Variants in DPP10 observed in about 807,000 individuals in gnomAD.
The protein encoded by DPP10 is dipeptidyl peptidase like 10, also known as inactive dipeptidyl peptidase 10.
DPP10 carries 33 observed loss-of-function variants against 120.9 expected under a neutral mutation model. That is an observed-to-expected ratio of 0.27 (90% CI 0.21 to 0.37). The LOEUF (loss-of-function observed/expected upper bound fraction) is 0.37, where lower values mean the gene tolerates loss of function less well. Ranked by LOEUF, DPP10 falls within the 10% of genes least tolerant of loss-of-function variation. The pLI is 1.00. For synonymous variants in DPP10, 337 were observed against 326.1 expected, an observed-to-expected ratio of 1.03 and a Z score of -0.36; for missense variants, 816 against 942.8, an observed-to-expected ratio of 0.87 and a Z score of 1.76.
intron 1 of DPP10, among the ~76,000 whole-genome samples, chr2:114,765,182 A>T (rs72830394): frequency 0.016 from 2,481 of 152,248 alleles, 28 homozygotes; most frequent in Middle Eastern, 0.034. Context: ...ATCAATTTTT[A>T]AAAATTGTAC....
intron 1 of DPP10, among the ~76,000 whole-genome samples, chr2:114,716,390 G>A (rs1303555394): frequency 1.3e-5 from 2 of 152,096 alleles, no homozygotes; most frequent in African/African-American, 4.8e-5. Context: ...CACATATTGG[G>A]TTGTCTCTTT....
intron 5 of DPP10, among the ~76,000 whole-genome samples, chr2:115,589,033 A>G (rs2082464761): frequency 6.6e-6 from 1 of 152,216 alleles, no homozygotes; most frequent in Non-Finnish European, 1.5e-5. Flanking sequence ...TAAAATATTA[A>G]AGAGTATTAA....
chr2:115,760,954 G>A (rs1423075082), intron 11 of DPP10, among the ~76,000 whole-genome samples: 1 of 151,906 alleles, frequency 6.6e-6, no homozygotes, highest in African/African-American at 2.4e-5. Context: ...AAAATTAGCC[G>A]GGCATGGTGG....
intron 1 of DPP10, among the ~76,000 whole-genome samples, chr2:114,799,117 G>A (rs997949820): frequency 2.6e-5 from 4 of 152,010 alleles, no homozygotes; most frequent in Non-Finnish European, 5.9e-5. Context: ...CAACAAGAGC[G>A]AAACTCCATC....
chr2:114,623,392 T>A (rs767990426), intron 1 of DPP10, among the ~76,000 whole-genome samples: 4 of 152,120 alleles, frequency 2.6e-5, no homozygotes, highest in Non-Finnish European at 5.9e-5. Flanking sequence ...ATAGTTCATT[T>A]TAAAAGACAA....
At chr2:115,248,955 T>A (rs2058645569) in intron 1 of DPP10, among the ~76,000 whole-genome samples, 1 of 152,134 alleles carries the variant, frequency 6.6e-6, no homozygotes, top group South Asian at 2.1e-4. Context: ...TTCATGAATG[T>A]CACAGAAAAA....
intron 1 of DPP10, among the ~76,000 whole-genome samples, chr2:115,221,619 C>G (rs748247010): frequency 6.6e-6 from 1 of 152,116 alleles, no homozygotes; most frequent in Non-Finnish European, 1.5e-5. Context: ...TTATTCTACA[C>G]TGCCTCTGAC....
chr2:115,121,562 T>A (rs1004316986), intron 1 of DPP10, among the ~76,000 whole-genome samples: 3 of 152,204 alleles, frequency 2.0e-5, no homozygotes, highest in African/African-American at 7.2e-5. Flanking sequence ...AACATCCTTT[T>A]TCCAGTGGCT....
At chr2:114,975,896 C>T (rs1478726995) in intron 1 of DPP10, among the ~76,000 whole-genome samples, 3 of 151,980 alleles carry the variant, frequency 2.0e-5, no homozygotes, top group Non-Finnish European at 4.4e-5. Flanking sequence ...AGTGGTCCAC[C>T]CACCTTGGCC....
At chr2:114,772,011 C>T (rs573843686) in intron 1 of DPP10, among the ~76,000 whole-genome samples, 2 of 151,880 alleles carry the variant, frequency 1.3e-5, no homozygotes, top group Non-Finnish European at 2.9e-5. Flanking sequence ...AATAATTTCT[C>T]CTGAGATAAT....
At chr2:115,010,014 A>G (rs1257732105) in intron 1 of DPP10, among the ~76,000 whole-genome samples, 1 of 152,200 alleles carries the variant, frequency 6.6e-6, no homozygotes, top group South Asian at 2.1e-4. Flanking sequence ...AAAATAAAAC[A>G]TAATTGAATA....
intron 3 of DPP10, among the ~76,000 whole-genome samples, chr2:115,407,673 G>GAA (rs113891788): frequency 0.091 from 13,393 of 147,108 alleles, 650 homozygotes; most frequent in Middle Eastern, 0.14. Context: ...AAGCCCACTG[G>GAA]AAAAAAAAAA....
chr2:114,574,873 A>G (rs1039779200), intron 1 of DPP10, among the ~76,000 whole-genome samples: 3 of 152,180 alleles, frequency 2.0e-5, no homozygotes, highest in Admixed American at 2.0e-4. Flanking sequence ...CCATGAGTCC[A>G]TTGGGCAGGG....
chr2:115,466,126 G>C (rs943621085), intron 3 of DPP10, among the ~76,000 whole-genome samples: 2 of 152,106 alleles, frequency 1.3e-5, no homozygotes, highest in Non-Finnish European at 2.9e-5. Flanking sequence ...TAACTGAATT[G>C]TATTCTACTC....
At chr2:114,911,424 G>A (rs1438044202) in intron 1 of DPP10, among the ~76,000 whole-genome samples, 1 of 152,088 alleles carries the variant, frequency 6.6e-6, no homozygotes, top group Admixed American at 6.5e-5. Flanking sequence ...AATTTTAAAA[G>A]ACAGAAGTTC....
intron 1 of DPP10, among the ~76,000 whole-genome samples, chr2:114,703,240 C>T (rs886644417): frequency 6.6e-6 from 1 of 152,070 alleles, no homozygotes; most frequent in African/African-American, 2.4e-5. Flanking sequence ...ATATCTAAAT[C>T]TTTTTCTCAG....
intron 1 of DPP10, among the ~76,000 whole-genome samples, chr2:115,297,946 A>G (rs544748587): frequency 6.6e-6 from 1 of 152,126 alleles, no homozygotes; most frequent in African/African-American, 2.4e-5. Context: ...AGTTCCCAGG[A>G]TGGGTCAACA....
intron 1 of DPP10, among the ~76,000 whole-genome samples, chr2:115,133,688 G>A (rs2050501940): frequency 2.0e-5 from 3 of 152,126 alleles, no homozygotes; most frequent in African/African-American, 7.2e-5. Flanking sequence ...AGCTTTGCCT[G>A]CTTTACTTCA....
chr2:115,268,461 G>A (rs986259200), intron 1 of DPP10, among the ~76,000 whole-genome samples: 12 of 152,244 alleles, frequency 7.9e-5, no homozygotes, highest in African/African-American at 2.9e-4. Flanking sequence ...ACCATCATGC[G>A]ACTTCCTAAA....
Sources: gnomAD v4.1 joint callset for allele counts (sites outside exome capture counted in the v4.1 genomes callset) on GRCh38, gnomAD v4.1.1 for gene constraint, MANE v1.5 for transcripts, NCBI Gene and HGNC (gene_info 2026-07-23, HGNC 2026-07-21) for gene names.